DOCK2: variants seen among roughly 807,000 people sequenced by gnomAD.
The protein encoded by DOCK2 is dedicator of cytokinesis protein 2.
Under a neutral mutation model 248.9 loss-of-function variants are expected in DOCK2, and 87 were observed. The ratio of observed to expected loss-of-function variants is 0.35; its 90% CI spans 0.29 to 0.42. DOCK2 has a LOEUF of 0.42. DOCK2 is among the 10% of genes least tolerant of loss of function. The pLI is 1.00. For synonymous variants in DOCK2, 805 were observed against 821.6 expected (o/e 0.98, Z 0.35); for missense variants, 1,747 against 2,300.2 (o/e 0.76, Z 4.92).
intron 27 of DOCK2, among the ~76,000 whole-genome samples, chr5:169,845,660 TA>T (rs1482647757): frequency 6.6e-6 from 1 of 152,116 alleles, no homozygotes; most frequent in Non-Finnish European, 1.5e-5. Context: ...TTTCAGGGAG[TA>T]AGGAATTGCC....
intron 24 of DOCK2, among the ~76,000 whole-genome samples, chr5:169,760,816 C>T (rs138586263): frequency 2.6e-4 from 39 of 152,246 alleles, no homozygotes; most frequent in African/African-American, 7.9e-4. Context: ...CATTTCTCTG[C>T]GCTTTGCCTG....
rs1186238251 is a variant in DOCK2, at chr5:169,717,375, C to T, written c.2032-9C>T. ...CCCTGAAAATACTGCTGCCTTGCATCTTCCTCAGATTTACATAATAGGACT... is the reference window on the plus strand; with the variant it reads ...CCCTGAAAATACTGCTGCCTTGCATTTTCCTCAGATTTACATAATAGGACT... On this transcript the variant is annotated splice_polypyrimidine_tract_variant and intron_variant, in intron 20 of 51. Transcript: ENST00000520908. The T allele has an allele frequency of 5.0e-6, 8 of 1,612,706 alleles. No individual in the cohort carries two copies. Among genetic ancestry groups the T allele is most frequent in the Non-Finnish European group, 5.9e-6 (7 of 1,178,912 alleles).
intron 26 of DOCK2, among the ~76,000 whole-genome samples, chr5:169,804,681 A>G (rs1347067333): frequency 6.6e-6 from 1 of 152,170 alleles, no homozygotes; most frequent in Non-Finnish European, 1.5e-5. Context: ...TTCCCATTTT[A>G]GAGATGAAAA....
chr5:170,064,491 AGC>A (rs1757428456), intron 44 of DOCK2, among the ~76,000 whole-genome samples: 1 of 151,994 alleles, frequency 6.6e-6, no homozygotes, highest in Non-Finnish European at 1.5e-5. Context: ...AGGGTTCAAT[AGC>A]TGACTAGATC....
chr5:169,936,113 T>A (rs1404770590), intron 27 of DOCK2, among the ~76,000 whole-genome samples: 2 of 152,124 alleles, frequency 1.3e-5, no homozygotes, highest in African/African-American at 4.8e-5. Context: ...TGTTAGAAAA[T>A]GTAACAAAAC....
At chr5:169,866,027 C>T (rs1348022090) in intron 27 of DOCK2, among the ~76,000 whole-genome samples, 1 of 151,698 alleles carries the variant, frequency 6.6e-6, no homozygotes, top group Non-Finnish European at 1.5e-5. Context: ...GCTGAAGAGT[C>T]AGAGGGGCGA....
intron 27 of DOCK2, among the ~76,000 whole-genome samples, chr5:169,910,654 C>CA: frequency 6.6e-6 from 1 of 152,280 alleles, no homozygotes; most frequent in South Asian, 2.1e-4. Flanking sequence ...GGGGCCACGG[C>CA]AATGAAGTCC....
chr5:169,757,837 C>T (rs532807608), intron 23 of DOCK2, among the ~76,000 whole-genome samples: 1 of 152,208 alleles, frequency 6.6e-6, no homozygotes, highest in African/African-American at 2.4e-5. Flanking sequence ...ACCATACTAG[C>T]CACCAAAAAG....
At chr5:169,937,391 C>A (rs1776042660) in intron 27 of DOCK2, among the ~76,000 whole-genome samples, 1 of 152,172 alleles carries the variant, frequency 6.6e-6, no homozygotes. Context: ...CATCCCTGGC[C>A]TATGATTTTC....
chr5:170,077,630 G>A (rs1203938944), intron 47 of DOCK2, 80 bp from the exon 48 acceptor site: 7 of 1,582,902 alleles, frequency 4.4e-6, no homozygotes, highest in Non-Finnish European at 6.0e-6. Context: ...CCCTGCCTAG[G>A]TGGAGGAAGA....
At chr5:169,797,279 T>C (rs1766710758) in intron 25 of DOCK2, among the ~76,000 whole-genome samples, 1 of 152,242 alleles carries the variant, frequency 6.6e-6, no homozygotes, top group Non-Finnish European at 1.5e-5. Context: ...GGATTGTGGC[T>C]GTGATTGCAG....
chr5:169,898,528 AAACAACAACAACAACAAC>A (rs36216194), intron 27 of DOCK2, among the ~76,000 whole-genome samples: 4 of 151,130 alleles, frequency 2.6e-5, no homozygotes, highest in Non-Finnish European at 5.9e-5. Flanking sequence ...CACACACACA[AAACAACAACAACAACAAC>A]AACAACAACA....
At chr5:169,925,307 A>G (rs1775378395) in intron 27 of DOCK2, among the ~76,000 whole-genome samples, 1 of 152,168 alleles carries the variant, frequency 6.6e-6, no homozygotes, top group Non-Finnish European at 1.5e-5. Context: ...AGACCCTAGG[A>G]CAGATGGGTC....
At chr5:169,812,499 A>G (rs949853622) in intron 26 of DOCK2, among the ~76,000 whole-genome samples, 1 of 152,212 alleles carries the variant, frequency 6.6e-6, no homozygotes, top group African/African-American at 2.4e-5. Context: ...GAATTATCCA[A>G]AAACCACCTG....
intron 37 of DOCK2, among the ~76,000 whole-genome samples, chr5:170,041,611 T>C (rs1228741467): frequency 6.6e-6 from 1 of 152,140 alleles, no homozygotes; most frequent in East Asian, 1.9e-4. Context: ...ACCAGGAGCC[T>C]TCACAAGTGG....
intron 25 of DOCK2, among the ~76,000 whole-genome samples, chr5:169,789,007 G>A (rs995319218): frequency 3.3e-5 from 5 of 152,000 alleles, no homozygotes; most frequent in Admixed American, 2.0e-4. Flanking sequence ...TCCACCCTCC[G>A]ATAGACCCCA....
chr5:169,915,945 G>A (rs1438263314), intron 27 of DOCK2, among the ~76,000 whole-genome samples: 3 of 152,130 alleles, frequency 2.0e-5, no homozygotes, highest in Admixed American at 1.3e-4. Context: ...CTTAAGAAAC[G>A]TTATGCTGAA....
chr5:169,990,920 C>T (rs572501271), intron 29 of DOCK2, among the ~76,000 whole-genome samples: 49 of 152,368 alleles, frequency 3.2e-4, no homozygotes, highest in East Asian at 1.2e-3. Context: ...CCCAGAACTT[C>T]GAGGCCATGG....
chr5:169,774,893 T>TTTTTTGTTG (rs150359255), intron 25 of DOCK2, among the ~76,000 whole-genome samples: 4 of 150,746 alleles, frequency 2.7e-5, no homozygotes, highest in African/African-American at 7.4e-5. Context: ...ATGACTGTTT[T>TTTTTTGTTG]TTGTTGTTGT....
Sources: gnomAD v4.1 joint callset for allele counts (sites outside exome capture counted in the v4.1 genomes callset) on GRCh38, gnomAD v4.1.1 for gene constraint, MANE v1.5 for transcripts, NCBI Gene and HGNC (gene_info 2026-07-23, HGNC 2026-07-21) for gene names.